Variants in EPHA6 observed in about 807,000 individuals in gnomAD.
EPHA6 encodes the protein ephrin type-A receptor 6.
In EPHA6, 50 loss-of-function variants were observed where a neutral mutation model predicts 112.0. That is an observed-to-expected ratio of 0.45 (90% CI 0.36 to 0.56). The LOEUF is 0.56. Ranked by LOEUF, EPHA6 falls within the 20% of genes least tolerant of loss-of-function variation. EPHA6 has a pLI of 0.00. For synonymous variants in EPHA6, 529 were observed against 490.7 expected, an observed-to-expected ratio of 1.08 and a Z score of -1.03; for missense variants, 1,280 against 1,417.4, an observed-to-expected ratio of 0.90 and a Z score of 1.56.
intron 3 of EPHA6, among the ~76,000 whole-genome samples, chr3:97,009,561 G>C (rs978169123): frequency 5.9e-5 from 9 of 152,198 alleles, no homozygotes; most frequent in African/African-American, 1.4e-4. Context: ...TCCCACTGCT[G>C]GTTGCTTCCT....
At chr3:96,933,833 T>G (rs1434908902) in intron 2 of EPHA6, among the ~76,000 whole-genome samples, 1 of 152,080 alleles carries the variant, frequency 6.6e-6, no homozygotes, top group African/African-American at 2.4e-5. Context: ...TATGGATATT[T>G]AATATGTTTT....
intron 14 of EPHA6, among the ~76,000 whole-genome samples, chr3:97,703,902 C>G (rs2033535843): frequency 6.6e-6 from 1 of 152,114 alleles, no homozygotes; most frequent in Admixed American, 6.6e-5. Context: ...AAATTTCTTT[C>G]TTTCTCATTC....
chr3:97,039,116 T>C (rs911272871), intron 3 of EPHA6, among the ~76,000 whole-genome samples: 1 of 151,892 alleles, frequency 6.6e-6, no homozygotes, highest in African/African-American at 2.4e-5. Context: ...TATCTTATTA[T>C]CAACAACATA....
intron 5 of EPHA6, among the ~76,000 whole-genome samples, chr3:97,247,574 G>T (rs1170365380): frequency 2.0e-5 from 3 of 151,914 alleles, no homozygotes; most frequent in African/African-American, 7.2e-5. Context: ...TGATATAAGA[G>T]AAATCATTCT....
At chr3:97,225,304 T>C (rs1269502750) in intron 3 of EPHA6, among the ~76,000 whole-genome samples, 1 of 152,230 alleles carries the variant, frequency 6.6e-6, no homozygotes, top group Non-Finnish European at 1.5e-5. Context: ...TATTCAGTTA[T>C]TTTAAACTGC....
In EPHA6 at chr3:97,511,313, T is replaced by C. The variant is rs192443710; in HGVS notation, c.2201-21045T>C. ...TGAAATCCAGGGCTCTGGTGGTGTA[T>C]GCACCCAAGGGAATCTCCTGTTCTG... is the stretch of plus-strand genomic sequence containing the variant. On this transcript the variant is annotated intron_variant, in intron 10 of 17. Transcript: ENST00000389672. Among the ~76,000 whole-genome samples, 992 of 152,282 alleles carry C rather than the reference T, an allele frequency of 6.5e-3. 12 individuals carry two copies. Among genetic ancestry groups the C allele is most frequent in the African/African-American group, 0.022 (913 of 41,556 alleles).
intron 13 of EPHA6, among the ~76,000 whole-genome samples, chr3:97,615,680 A>T (rs1452880194): frequency 6.6e-6 from 1 of 152,012 alleles, no homozygotes; most frequent in African/African-American, 2.4e-5. Flanking sequence ...GATAGAAGGG[A>T]TCCCCCAACA....
intron 5 of EPHA6, among the ~76,000 whole-genome samples, chr3:97,290,176 G>T (rs1460251902): frequency 6.6e-6 from 1 of 152,052 alleles, no homozygotes; most frequent in Non-Finnish European, 1.5e-5. Flanking sequence ...TTATTTCAAA[G>T]AATTTTTTAA....
intron 3 of EPHA6, among the ~76,000 whole-genome samples, chr3:97,222,570 T>G (rs2078239103): frequency 6.6e-6 from 1 of 152,230 alleles, no homozygotes; most frequent in Admixed American, 6.5e-5. Flanking sequence ...AATAATCATT[T>G]TTCAGACACA....
intron 3 of EPHA6, among the ~76,000 whole-genome samples, chr3:97,015,807 T>C (rs1304799722): frequency 2.0e-5 from 3 of 152,134 alleles, no homozygotes; most frequent in East Asian, 1.9e-4. Flanking sequence ...ATCAAGTTCA[T>C]TGGGCTCACA....
intron 3 of EPHA6, among the ~76,000 whole-genome samples, chr3:97,092,441 G>T (rs1265812016): frequency 6.6e-6 from 1 of 151,998 alleles, no homozygotes; most frequent in Non-Finnish European, 1.5e-5. Flanking sequence ...TGTCTTGGAG[G>T]ACTAGTCTTA....
chr3:97,197,967 CT>C (rs1184013262), intron 3 of EPHA6, among the ~76,000 whole-genome samples: 2 of 152,076 alleles, frequency 1.3e-5, no homozygotes, highest in African/African-American at 2.4e-5. Flanking sequence ...CTGAGTTCCA[CT>C]GCAAAGTCCT....
chr3:96,990,733 T>G (rs986525511), intron 3 of EPHA6, among the ~76,000 whole-genome samples: 1 of 152,278 alleles, frequency 6.6e-6, no homozygotes, highest in African/African-American at 2.4e-5. Flanking sequence ...TTTATGTGTG[T>G]TCTTGATGTT....
intron 5 of EPHA6, among the ~76,000 whole-genome samples, chr3:97,265,940 C>T (rs1478436461): frequency 6.6e-6 from 1 of 152,220 alleles, no homozygotes; most frequent in African/African-American, 2.4e-5. Context: ...TGATTTGTCC[C>T]ATGGACTGTA....
chr3:96,928,336 A>G (rs559911045), intron 2 of EPHA6, among the ~76,000 whole-genome samples: 1 of 152,292 alleles, frequency 6.6e-6, no homozygotes, highest in South Asian at 2.1e-4. Flanking sequence ...GTTTGTTATC[A>G]TTAGTTTCAA....
chr3:97,093,801 TATC>T (rs778416798), intron 3 of EPHA6, among the ~76,000 whole-genome samples: 2 of 152,162 alleles, frequency 1.3e-5, no homozygotes, highest in Non-Finnish European at 2.9e-5. Context: ...TGATTAATCT[TATC>T]ATTTTATAAA....
chr3:97,225,934 T>G (rs1235563544), intron 3 of EPHA6, among the ~76,000 whole-genome samples: 1 of 152,192 alleles, frequency 6.6e-6, no homozygotes, highest in East Asian at 1.9e-4. Flanking sequence ...ATCATTTTCC[T>G]TACTGCCAGT....
intron 9 of EPHA6, 104 bp downstream of exon 9, chr3:97,479,468 T>A: frequency 1.5e-6 from 1 of 671,122 alleles, no homozygotes; most frequent in South Asian, 3.8e-5. Flanking sequence ...AAAAAAAAAA[T>A]CACTTCCAAC....
chr3:97,373,035 G>C (rs998516547), intron 5 of EPHA6, among the ~76,000 whole-genome samples: 5 of 152,044 alleles, frequency 3.3e-5, no homozygotes, highest in African/African-American at 1.2e-4. Context: ...TTTTCTGTTT[G>C]TGTATGAAAT....
Sources: allele counts gnomAD v4.1 joint callset (sites outside exome capture counted in the v4.1 genomes callset), GRCh38; gene constraint gnomAD v4.1.1; transcripts MANE v1.5; gene names NCBI Gene and HGNC (gene_info 2026-07-23, HGNC 2026-07-21).